LRRTM4: variants seen among roughly 807,000 people sequenced by gnomAD.
LRRTM4 encodes the protein leucine-rich repeat transmembrane neuronal protein 4.
Under a neutral mutation model 47.6 loss-of-function variants are expected in LRRTM4, and 25 were observed. That is an observed-to-expected ratio of 0.53 (90% CI 0.38 to 0.73). The LOEUF (loss-of-function observed/expected upper bound fraction) is 0.73. LRRTM4 is among the 30% of genes least tolerant of loss of function. The pLI, the probability that LRRTM4 is intolerant of heterozygous loss-of-function variation, is 0.00. For missense variants in LRRTM4, 638 were observed against 713.4 expected (o/e 0.89, Z 1.20); for synonymous variants, 311 against 269.5 (o/e 1.15, Z -1.51).
intron 3 of LRRTM4, among the ~76,000 whole-genome samples, chr2:76,892,105 A>T (rs1573266301): frequency 6.6e-6 from 1 of 151,658 alleles, no homozygotes; most frequent in Non-Finnish European, 1.5e-5. Flanking sequence ...TACAAAAAAT[A>T]AAATAAATTT....
chr2:77,128,335 A>G (rs549332298), intron 3 of LRRTM4, among the ~76,000 whole-genome samples: 1 of 152,260 alleles, frequency 6.6e-6, no homozygotes, highest in African/African-American at 2.4e-5. Context: ...TTGGAATTTG[A>G]TATCTGGATT....
intron 3 of LRRTM4, among the ~76,000 whole-genome samples, chr2:76,932,104 G>C (rs574184289): frequency 2.6e-5 from 4 of 152,160 alleles, no homozygotes; most frequent in Middle Eastern, 3.4e-3. Context: ...TGTTCATCCT[G>C]TTCCTCCTTG....
At chr2:77,243,558 A>C (rs1301066828) in intron 3 of LRRTM4, among the ~76,000 whole-genome samples, 1 of 149,910 alleles carries the variant, frequency 6.7e-6, no homozygotes, top group Non-Finnish European at 1.5e-5. Flanking sequence ...ATGAGGGTTG[A>C]TTAATGGGTA....
chr2:76,983,119 A>G (rs1432893380), intron 3 of LRRTM4, among the ~76,000 whole-genome samples: 1 of 152,096 alleles, frequency 6.6e-6, no homozygotes. Context: ...GCATAATGGT[A>G]AAATGGTAAA....
intron 3 of LRRTM4, among the ~76,000 whole-genome samples, chr2:77,362,146 A>AAAGAAAGAAAGAAAGAAAGAAAGG (rs1558707350): frequency 3.1e-4 from 43 of 137,398 alleles, no homozygotes; most frequent in East Asian, 1.2e-3. Context: ...AGAAAGAAAG[A>AAAGAAAGAAAGAAAGAAAGAAAGG]AAGAAAGAAA....
At chr2:77,070,366 T>C (rs1680110316) in intron 3 of LRRTM4, among the ~76,000 whole-genome samples, 1 of 152,268 alleles carries the variant, frequency 6.6e-6, no homozygotes, top group African/African-American at 2.4e-5. Context: ...AGACAAATTT[T>C]CAGAAGTCCT....
chr2:77,502,465 A>G lies in LRRTM4; in HGVS notation c.1551+15853T>C, dbSNP rs529100458. Among the ~76,000 whole-genome samples the G allele has an allele frequency of 1.6e-3, 250 of 151,728 alleles. 2 individuals carry two copies. The highest frequency in any genetic ancestry group is 5.2e-3 in the African/African-American group (216 of 41,524). ...GAACTTTAGTGATATAAATTTATCA[A>G]TATTTTGAAATAAAAATTTATAAAG... On this transcript the variant is annotated intron_variant, in intron 3 of 3. Coordinates refer to ENST00000409884, the MANE Select transcript of LRRTM4 (RefSeq NM_001134745.3).
chr2:77,062,173 G>T (rs894652672), intron 3 of LRRTM4, among the ~76,000 whole-genome samples: 3 of 151,976 alleles, frequency 2.0e-5, no homozygotes, highest in African/African-American at 7.3e-5. Context: ...ATAACTTTCT[G>T]CATATTTACA....
intron 3 of LRRTM4, among the ~76,000 whole-genome samples, chr2:76,931,527 C>G (rs896734227): frequency 2.0e-5 from 3 of 152,086 alleles, no homozygotes; most frequent in Non-Finnish European, 4.4e-5. Context: ...TGGATACACT[C>G]TCTCTCTCCA....
intron 3 of LRRTM4, among the ~76,000 whole-genome samples, chr2:77,019,040 A>G (rs1372970075): frequency 6.6e-6 from 1 of 152,054 alleles, no homozygotes; most frequent in African/African-American, 2.4e-5. Context: ...TTGAATCTCT[A>G]GTCTCAAATC....
intron 3 of LRRTM4, among the ~76,000 whole-genome samples, chr2:77,281,613 G>A (rs1676507767): frequency 6.6e-6 from 1 of 151,638 alleles, no homozygotes; most frequent in South Asian, 2.1e-4. Context: ...TGGTAATAAG[G>A]CAATTTGCAG....
At chr2:77,143,272 T>C (rs186369452) in intron 3 of LRRTM4, among the ~76,000 whole-genome samples, 3 of 152,282 alleles carry the variant, frequency 2.0e-5, no homozygotes, top group Non-Finnish European at 4.4e-5. Flanking sequence ...TGTAATTATT[T>C]TGAGTAAAGC....
intron 3 of LRRTM4, among the ~76,000 whole-genome samples, chr2:77,246,016 T>G (rs1212246987): frequency 6.6e-6 from 1 of 152,184 alleles, no homozygotes. Flanking sequence ...ACACTGTAAA[T>G]CCTTAGCTGA....
At chr2:76,825,678 C>G (rs1161863712) in intron 3 of LRRTM4, among the ~76,000 whole-genome samples, 1 of 151,472 alleles carries the variant, frequency 6.6e-6, no homozygotes, top group Non-Finnish European at 1.5e-5. Context: ...AAAGGCAGAG[C>G]TAAAAATGTA....
chr2:76,954,328 C>T (rs570359934), intron 3 of LRRTM4, among the ~76,000 whole-genome samples: 1 of 151,388 alleles, frequency 6.6e-6, no homozygotes, highest in Non-Finnish European at 1.5e-5. Flanking sequence ...ATGAACAAAA[C>T]GAGAATATCA....
intron 3 of LRRTM4, among the ~76,000 whole-genome samples, chr2:76,841,382 A>G (rs1671677303): frequency 6.6e-6 from 1 of 152,020 alleles, no homozygotes; most frequent in African/African-American, 2.4e-5. Context: ...ATATGTAACA[A>G]GCCTGCACGT....
intron 3 of LRRTM4, among the ~76,000 whole-genome samples, chr2:77,315,388 A>T (rs979980454): frequency 6.6e-6 from 1 of 152,136 alleles, no homozygotes; most frequent in Non-Finnish European, 1.5e-5. Context: ...TTTATATATA[A>T]CTCATATAAC....
intron 3 of LRRTM4, among the ~76,000 whole-genome samples, chr2:77,349,452 G>A (rs901019248): frequency 2.0e-5 from 3 of 151,958 alleles, no homozygotes; most frequent in African/African-American, 7.2e-5. Context: ...AAACAAATGG[G>A]AAGTGATACT....
chr2:77,150,844 C>T (rs911279921), intron 3 of LRRTM4, among the ~76,000 whole-genome samples: 1 of 152,090 alleles, frequency 6.6e-6, no homozygotes, highest in Non-Finnish European at 1.5e-5. Context: ...TATCAATTCT[C>T]AGCTGCTATA....
Sources: allele counts gnomAD v4.1 joint callset (sites outside exome capture counted in the v4.1 genomes callset), GRCh38; gene constraint gnomAD v4.1.1; transcripts MANE v1.5; gene names NCBI Gene and HGNC (gene_info 2026-07-23, HGNC 2026-07-21).